Variants in SORCS2 observed in about 807,000 individuals in gnomAD.
The protein encoded by SORCS2 is VPS10 domain-containing receptor SorCS2.
SORCS2 carries 100 observed loss-of-function variants against 141.6 expected under a neutral mutation model. The observed-to-expected ratio is 0.71, with a 90% confidence interval of 0.60 to 0.83. SORCS2 has a LOEUF of 0.83. Among genes scored for constraint, SORCS2 ranks in the 40% least tolerant of loss-of-function variants. SORCS2 has a pLI of 0.00. For synonymous variants in SORCS2, 789 were observed against 676.9 expected, an observed-to-expected ratio of 1.17 and a Z score of -2.57; for missense variants, 1,646 against 1,560.2, an observed-to-expected ratio of 1.05 and a Z score of -0.93.
chr4:7,646,221 G>A (rs1187423310), intron 4 of SORCS2, among the ~76,000 whole-genome samples: 1 of 152,218 alleles, frequency 6.6e-6, no homozygotes, highest in Non-Finnish European at 1.5e-5. Flanking sequence ...TCCGCACAGC[G>A]CACACGGGGC....
chr4:7,701,240 A>G (rs1218420910), intron 12 of SORCS2, among the ~76,000 whole-genome samples: 1 of 151,260 alleles, frequency 6.6e-6, no homozygotes, highest in Non-Finnish European at 1.5e-5. Context: ...AGAGAGAGAA[A>G]AAAGGAGAGA....
intron 2 of SORCS2, among the ~76,000 whole-genome samples, chr4:7,483,281 C>T (rs1330551740): frequency 3.3e-5 from 5 of 149,408 alleles, no homozygotes; most frequent in Admixed American, 3.3e-4. Flanking sequence ...CGAGATTGGG[C>T]CACTGCATTC....
intron 1 of SORCS2, among the ~76,000 whole-genome samples, chr4:7,339,450 T>C (rs1006170360): frequency 1.3e-5 from 2 of 152,222 alleles, no homozygotes; most frequent in Non-Finnish European, 2.9e-5. Flanking sequence ...CAAGGTTGGC[T>C]GGGTTCATCT....
At chr4:7,349,320 G>T (rs1018942599) in intron 1 of SORCS2, among the ~76,000 whole-genome samples, 2 of 152,200 alleles carry the variant, frequency 1.3e-5, no homozygotes, top group Non-Finnish European at 2.9e-5. Context: ...CAGTCCTGCA[G>T]GTGTCTCAGC....
intron 2 of SORCS2, among the ~76,000 whole-genome samples, chr4:7,436,676 CACTGGGCAGGTGGAATGCCCCA>C (rs1727325235): frequency 6.6e-6 from 1 of 152,182 alleles, no homozygotes; most frequent in Non-Finnish European, 1.5e-5. Flanking sequence ...GGTAGAATTC[CACTGGGCAGGTGGAATGCCCCA>C]CTGGGCCCTG....
chr4:7,296,064 C>T (rs912290013), intron 1 of SORCS2, among the ~76,000 whole-genome samples: 5 of 152,190 alleles, frequency 3.3e-5, no homozygotes, highest in African/African-American at 4.8e-5. Context: ...GGGAGAAATG[C>T]GATGCAGAGT....
rs377431157 is a variant in SORCS2 at position 7,674,578 on chromosome 4, T to TA, written c.1162-1445dup. Among the ~76,000 whole-genome samples the TA allele has an allele frequency of 9.6e-3, 789 of 82,584 alleles. 13 individuals are homozygous for TA. Among genetic ancestry groups the TA allele is most frequent in the South Asian group, 0.017 (38 of 2,254 alleles). The allele number at this position is 82,584 out of a possible 152,430, so 54.2% of individuals were successfully genotyped here. A position where few individuals can be genotyped will look rare whatever the true frequency, so the allele number is the denominator to read the frequency against. ...GACAGAGCGAGACTCTGTCTCAAAATAAAAAAAAAAAAAAAAAAAAAAAAA... is the reference window on the plus strand; with the variant it reads ...GACAGAGCGAGACTCTGTCTCAAAATAAAAAAAAAAAAAAAAAAAAAAAAAA... On this transcript the variant is annotated intron_variant, in intron 8 of 26. Transcript: ENST00000507866.
At chr4:7,447,617 C>T (rs1051958213) in intron 2 of SORCS2, among the ~76,000 whole-genome samples, 2 of 152,124 alleles carry the variant, frequency 1.3e-5, no homozygotes, top group Non-Finnish European at 2.9e-5. Context: ...CAAATAAGTC[C>T]ATCCATGCAT....
chr4:7,655,691 A>C (rs932784304), intron 5 of SORCS2, among the ~76,000 whole-genome samples: 17 of 152,326 alleles, frequency 1.1e-4, no homozygotes, highest in Middle Eastern at 3.4e-3. Flanking sequence ...GCCATCCATC[A>C]CTGGCCTTGT....
intron 10 of SORCS2, among the ~76,000 whole-genome samples, chr4:7,687,809 C>T (rs1177053221): frequency 6.6e-6 from 1 of 152,160 alleles, no homozygotes; most frequent in African/African-American, 2.4e-5. Flanking sequence ...CCACCATCAC[C>T]ACTGTCCCTT....
At chr4:7,458,167 G>A (rs533451998) in intron 2 of SORCS2, among the ~76,000 whole-genome samples, 9 of 152,284 alleles carry the variant, frequency 5.9e-5, no homozygotes, top group Admixed American at 1.3e-4. Flanking sequence ...GGGCAGCACC[G>A]AGGCCTGGGA....
chr4:7,681,598 C>T (rs1002073945), intron 9 of SORCS2, among the ~76,000 whole-genome samples: 8 of 152,184 alleles, frequency 5.3e-5, no homozygotes, highest in Non-Finnish European at 1.0e-4. Flanking sequence ...TGGGAGAATA[C>T]GTGTGTGTTG....
chr4:7,675,750 C>T (rs996376610), intron 8 of SORCS2, among the ~76,000 whole-genome samples: 1 of 152,172 alleles, frequency 6.6e-6, no homozygotes, highest in African/African-American at 2.4e-5. Flanking sequence ...GATGGATGGA[C>T]GGCCTGATGT....
intron 2 of SORCS2, among the ~76,000 whole-genome samples, chr4:7,523,486 G>T (rs557825782): frequency 1.8e-3 from 280 of 152,260 alleles, no homozygotes; most frequent in African/African-American, 6.2e-3. Flanking sequence ...AGATCTGTGT[G>T]GGCTTCAGGA....
At chr4:7,433,627 T>G in intron 2 of SORCS2, 2 of 1,611,160 alleles carry the variant, frequency 1.2e-6, no homozygotes, top group Non-Finnish European at 1.7e-6. Context: ...CACCAGGATG[T>G]CTCGCTTGGT....
intron 2 of SORCS2, among the ~76,000 whole-genome samples, chr4:7,474,800 T>A (rs1455053453): frequency 1.3e-5 from 2 of 152,156 alleles, no homozygotes; most frequent in African/African-American, 4.8e-5. Flanking sequence ...CAGACATTTA[T>A]CCTCTACAGC....
chr4:7,434,947 C>A, intron 2 of SORCS2: 1 of 1,460,666 alleles, frequency 6.8e-7, no homozygotes, highest in South Asian at 1.5e-5. Flanking sequence ...GGCTCTCCTG[C>A]CTGGCCCCAG....
At chr4:7,498,483 C>G (rs2109421682) in intron 2 of SORCS2, among the ~76,000 whole-genome samples, 2 of 152,334 alleles carry the variant, frequency 1.3e-5, no homozygotes, top group South Asian at 4.1e-4. Context: ...CAGAGCTGCT[C>G]TGCCACAAAA....
chr4:7,467,939 T>G lies in SORCS2; in HGVS notation c.549-63591T>G, dbSNP rs73088031. Among the ~76,000 whole-genome samples, 517 of 152,334 alleles carry G rather than the reference T, an allele frequency of 3.4e-3. 3 individuals are homozygous for G. Among genetic ancestry groups the G allele is most frequent in the African/African-American group, 0.012 (479 of 41,582 alleles). On this transcript the variant is annotated intron_variant, in intron 2 of 26. Transcript: ENST00000507866. ...ACAGGAGATAGCTGCCAGGTTGGGT[T>G]TGAGTGGGCTCCTGCCCAAGGGGCT... is the stretch of plus-strand genomic sequence containing the variant.
Sources: allele counts gnomAD v4.1 joint callset (sites outside exome capture counted in the v4.1 genomes callset), GRCh38; gene constraint gnomAD v4.1.1; transcripts MANE v1.5; gene names NCBI Gene and HGNC (gene_info 2026-07-23, HGNC 2026-07-21).